The following KIF13B variants were observed in gnomAD, a reference collection of about 807,000 sequenced individuals.
KIF13B encodes the protein kinesin-like protein KIF13B.
Under a neutral mutation model 222.0 loss-of-function variants are expected in KIF13B, and 127 were observed. The observed-to-expected ratio is 0.57, with a 90% CI of 0.50 to 0.66. The LOEUF (loss-of-function observed/expected upper bound fraction) is 0.66. KIF13B is among the 30% of genes least tolerant of loss of function. The probability of loss-of-function intolerance (pLI) is 0.00; values close to 1 mark genes in which losing one functional copy is unlikely to be tolerated. For synonymous variants in KIF13B, 976 were observed against 919.0 expected (o/e 1.06, Z -1.12); for missense variants, 2,173 against 2,379.0 (o/e 0.91, Z 1.80).
chr8:29,159,332 TAG>T (rs1389647852), intron 13 of KIF13B, among the ~76,000 whole-genome samples: 1 of 152,146 alleles, frequency 6.6e-6, no homozygotes, highest in Middle Eastern at 3.2e-3. Flanking sequence ...ATATTTTTAG[TAG>T]AGACGGAGTT....
In KIF13B at chr8:29,223,602, A is replaced by G. The variant is rs1237002173; in HGVS notation, c.149+21744T>C. Among the ~76,000 whole-genome samples, 10 of 152,264 alleles carry G rather than the reference A, an allele frequency of 6.6e-5. No individual in the cohort carries two copies. In the East Asian group the frequency reaches 1.3e-3, roughly 20 times the overall value. On this transcript the variant is annotated intron_variant, in intron 2 of 39. Transcript: ENST00000524189. ...ACGTAACTAAAATTAGCAGCTATTA[A>G]TAAAACAAGCCAGATGATAAAGATA...
At chr8:29,176,314 T>C in intron 9 of KIF13B, 135 bp from the exon 10 acceptor site, 1 of 614,130 alleles carries the variant, frequency 1.6e-6, no homozygotes, top group South Asian at 2.0e-5. Flanking sequence ...TGCCGCTCAG[T>C]TCAAAAGCAC....
At chr8:29,098,887 G>A (rs1808663416) in intron 36 of KIF13B, among the ~76,000 whole-genome samples, 1 of 152,122 alleles carries the variant, frequency 6.6e-6, no homozygotes, top group South Asian at 2.1e-4. Context: ...CCTTAAAAAA[G>A]AGGTGCAAAG....
intron 6 of KIF13B, among the ~76,000 whole-genome samples, 162 bp downstream of exon 6, chr8:29,186,130 C>G (rs973714801): frequency 2.1e-4 from 32 of 152,222 alleles, no homozygotes; most frequent in South Asian, 6.2e-4. Context: ...AACTCTTGAG[C>G]CCAGGAGTTC....
At chr8:29,136,585 AAATTAATT>A (rs71222593) in intron 21 of KIF13B, among the ~76,000 whole-genome samples, 60 of 151,254 alleles carry the variant, frequency 4.0e-4, no homozygotes, top group Non-Finnish European at 4.7e-4. Flanking sequence ...CTCCGCTCAA[AAATTAATT>A]AATTAATTAA....
At chr8:29,204,056 T>C (rs989156309) in intron 2 of KIF13B, among the ~76,000 whole-genome samples, 2 of 152,060 alleles carry the variant, frequency 1.3e-5, no homozygotes, top group African/African-American at 4.8e-5. Context: ...CTCAGGACAG[T>C]TGGTAGATAC....
In KIF13B at chr8:29,070,023, G is replaced by C. The variant is rs920675525; in HGVS notation, c.*481C>G. 1 of 159,836 alleles carries C rather than the reference G, an allele frequency of 6.3e-6. No individual in the cohort carries two copies. Among genetic ancestry groups the C allele is most frequent in the Admixed American group, 6.2e-5 (1 of 16,240 alleles). 9.9% of individuals were successfully genotyped at this position (159,836 alleles called of 1,614,324 possible). ...GGCACTTTGCGGGAAACTGGGACCA[G>C]GGTGGGAGGCTGGGGGGCTTGCGGA... On this transcript the variant is annotated 3_prime_UTR_variant, in exon 40 of 40. Coordinates refer to ENST00000524189, the MANE Select transcript of KIF13B (RefSeq NM_015254.4). This position sits in a 1 kb window ranked among gnomAD's most constrained non-coding sequence, Gnocchi z 4.1.
chr8:29,115,461 A>C (rs888086435), intron 31 of KIF13B, among the ~76,000 whole-genome samples: 32 of 151,326 alleles, frequency 2.1e-4, no homozygotes, highest in African/African-American at 7.5e-4. Context: ...TGAGTAGCTG[A>C]GATTGCAGGC....
chr8:29,144,771 T>C (rs1359745059), intron 18 of KIF13B, among the ~76,000 whole-genome samples: 1 of 151,760 alleles, frequency 6.6e-6, no homozygotes, highest in Non-Finnish European at 1.5e-5. Flanking sequence ...CAGAGAAGAG[T>C]TCACAGAATG....
chr8:29,071,681 G>T lies in KIF13B; in HGVS notation c.5157C>A (p.Tyr1719Ter), dbSNP rs1025914110. ...CCTCTTGGAAGTCGGCAGGCCCCAC[G>T]TATCTCACCACGCCCGTTTTGTGGG... ...VGAHKTGVVR[Y>*]VGPADFQEGT... The change falls in exon 39 of 40, where the codon TAC (tyrosine) becomes TAA (stop). Residue 1719 changes from tyrosine (Y) to a stop codon, truncating the protein, a stop_gained. Transcript: ENST00000524189. LOFTEE classifies it high-confidence loss of function. This position sits in a 1 kb window ranked among gnomAD's most constrained non-coding sequence, Gnocchi z 4.9. 3 of 1,554,334 alleles carry T rather than the reference G, an allele frequency of 1.9e-6. No individual in the cohort carries two copies. The highest frequency in any genetic ancestry group is 1.2e-5 in the South Asian group (1 of 84,218).
chr8:29,166,671 T>G (rs61559038), intron 11 of KIF13B, among the ~76,000 whole-genome samples: 7,141 of 137,720 alleles, frequency 0.052, 360 homozygotes, highest in African/African-American at 0.13. Flanking sequence ...ACCATTGCAC[T>G]CCAGCGTGGG....
chr8:29,149,970 A>T (rs1178813297), intron 15 of KIF13B, among the ~76,000 whole-genome samples: 3 of 151,168 alleles, frequency 2.0e-5, no homozygotes, highest in South Asian at 2.1e-4. Context: ...AAAAATAAAT[A>T]AAAAAAAAGA....
intron 2 of KIF13B, 76 bp from the exon 3 acceptor site, chr8:29,196,275 CTT>C (rs920040256): frequency 7.8e-7 from 1 of 1,278,126 alleles, no homozygotes; most frequent in African/African-American, 1.5e-5. Context: ...GTTTAGAAGA[CTT>C]TTTTTGAAGG....
chr8:29,104,191 T>C (rs1209102308), intron 35 of KIF13B, among the ~76,000 whole-genome samples: 1 of 151,212 alleles, frequency 6.6e-6, no homozygotes, highest in Non-Finnish European at 1.5e-5. Flanking sequence ...CTGTCCCCAC[T>C]ATCCCCTCGG....
chr8:29,192,569 G>T (rs1813234443), intron 3 of KIF13B, among the ~76,000 whole-genome samples: 1 of 152,128 alleles, frequency 6.6e-6, no homozygotes, highest in Non-Finnish European at 1.5e-5. Context: ...TTTTGAGTTT[G>T]ATTACATGAT....
chr8:29,119,362 A>G (rs1809750005), intron 29 of KIF13B, among the ~76,000 whole-genome samples: 1 of 152,098 alleles, frequency 6.6e-6, no homozygotes, highest in Non-Finnish European at 1.5e-5. Flanking sequence ...GATTCCAGGC[A>G]CCTGACAGCA....
At chr8:29,159,806 T>C (rs1811695383) in intron 13 of KIF13B, among the ~76,000 whole-genome samples, 1 of 152,188 alleles carries the variant, frequency 6.6e-6, no homozygotes, top group South Asian at 2.1e-4. Flanking sequence ...TCATATAAGA[T>C]ACTTATTAAC....
intron 1 of KIF13B, among the ~76,000 whole-genome samples, chr8:29,255,953 C>T (rs187851296): frequency 1.8e-4 from 27 of 152,142 alleles, no homozygotes; most frequent in Non-Finnish European, 8.8e-5. Flanking sequence ...CACAGACACA[C>T]CTGAGGTGCT....
chr8:29,225,683 C>T (rs1208207828), intron 2 of KIF13B, among the ~76,000 whole-genome samples: 3 of 152,156 alleles, frequency 2.0e-5, no homozygotes, highest in Admixed American at 6.5e-5. Context: ...CTGGCTGGAT[C>T]GATTCCTGTG....
Sources: allele counts gnomAD v4.1 joint callset (sites outside exome capture counted in the v4.1 genomes callset), GRCh38; gene constraint gnomAD v4.1.1; non-coding constraint Gnocchi (gnomAD v3.1); transcripts MANE v1.5; gene names NCBI Gene and HGNC (gene_info 2026-07-23, HGNC 2026-07-21).